C7: variants seen among roughly 807,000 people sequenced by gnomAD.
C7 encodes complement component C7.
C7 carries 83 observed loss-of-function variants against 104.8 expected under a neutral mutation model. That is an observed-to-expected ratio of 0.79 (90% CI 0.66 to 0.95). C7 has a LOEUF of 0.95. Ranked by LOEUF, C7 falls within the 40% of genes least tolerant of loss-of-function variation. C7 has a pLI of 0.00. For missense variants in C7, 1,070 were observed against 1,011.2 expected (o/e 1.06, Z -0.79); for synonymous variants, 415 against 360.6 (o/e 1.15, Z -1.71).
intron 15 of C7, among the ~76,000 whole-genome samples, chr5:40,975,944 G>A (rs1018543683): frequency 6.6e-6 from 1 of 152,082 alleles, no homozygotes; most frequent in Admixed American, 6.6e-5. Context: ...AAGCTATTAC[G>A]AGGTGAAAAA....
At chr5:40,926,066 G>A (rs1433480290) in intron 1 of C7, among the ~76,000 whole-genome samples, 4 of 152,114 alleles carry the variant, frequency 2.6e-5, no homozygotes, top group Non-Finnish European at 4.4e-5. Context: ...CATCTACCAC[G>A]ATCAAATGGG....
chr5:40,970,984 A>G (rs1740686501), intron 14 of C7, among the ~76,000 whole-genome samples: 1 of 152,164 alleles, frequency 6.6e-6, no homozygotes, highest in Admixed American at 6.6e-5. Context: ...CCAGTCTATC[A>G]TTGATGGGCA....
chr5:40,978,334 A>G (rs1740864575), intron 16 of C7, among the ~76,000 whole-genome samples: 1 of 152,176 alleles, frequency 6.6e-6, no homozygotes, highest in Admixed American at 6.6e-5. Flanking sequence ...ATACATTCTC[A>G]TTCTAATATT....
Position 40,925,908 on chromosome 5 carries a change from A to C in C7, c.7-2672A>C, listed in dbSNP as rs1739541392. Among the ~76,000 whole-genome samples the C allele has an allele frequency of 2.0e-5, 3 of 152,236 alleles. No homozygotes were observed. The South Asian group carries it at 6.2e-4, about 31-fold the overall frequency. On this transcript the variant is annotated intron_variant, in intron 1 of 17. Coordinates refer to ENST00000313164, the MANE Select transcript of C7 (RefSeq NM_000587.4). ...GAGGGAATACTTTCAAATTCTTTTTACAAGGCCAGTGTTATCCTGATATCA... is the reference window on the plus strand; with the variant it reads ...GAGGGAATACTTTCAAATTCTTTTTCCAAGGCCAGTGTTATCCTGATATCA...
intron 15 of C7, among the ~76,000 whole-genome samples, chr5:40,974,017 A>G (rs952809814): frequency 1.2e-4 from 18 of 152,338 alleles, no homozygotes; most frequent in African/African-American, 4.3e-4. Context: ...ATGTTTTAAA[A>G]TGTTGGCTGT....
intron 16 of C7, among the ~76,000 whole-genome samples, chr5:40,979,308 G>A (rs373182100): frequency 9.2e-5 from 14 of 152,188 alleles, no homozygotes; most frequent in African/African-American, 2.7e-4. Flanking sequence ...ACTCTTGGCT[G>A]TTGGGCTGGG....
intron 9 of C7, among the ~76,000 whole-genome samples, chr5:40,953,639 C>CAAAAA (rs397961480): frequency 0.069 from 7,134 of 103,694 alleles, 467 homozygotes; most frequent in Non-Finnish European, 0.097. Context: ...GACTCTGTCT[C>CAAAAA]AAAAAAAAAA....
In C7 at chr5:40,958,228, T is replaced by G; in HGVS notation, c.1456T>G (p.Cys486Gly). The G allele has an allele frequency of 6.2e-7, 1 of 1,611,778 alleles. No individual in the cohort carries two copies. Among genetic ancestry groups the G allele is most frequent in the Non-Finnish European group, 8.5e-7 (1 of 1,178,578 alleles). Residue 486 changes from cysteine to glycine, a missense_variant, in exon 11 of 18, where the codon TGT (cysteine) becomes GGT (glycine). Cys to Gly is a radical substitution (Grantham distance 159, BLOSUM62 -3). Transcript: ENST00000313164. Reference protein sequence around the residue: ...HCKPYTFGAACEQGVLVGNQA... With the variant: ...HCKPYTFGAAGEQGVLVGNQA... Reference sequence around the variant, plus strand: ...CAAACCGTACACATTTGGTGCGGCGTGTGAGCAAGGAGTCCTCGTAGGGAA... The same window carrying G: ...CAAACCGTACACATTTGGTGCGGCGGGTGAGCAAGGAGTCCTCGTAGGGAA...
Position 40,981,469 on chromosome 5 carries a change from G to A in C7, c.2428G>A (p.Gly810Ser), listed in dbSNP as rs770559407. ...EGFSICVEVN[G>S]KEQTMSECEA... ...GTTTAGCATTTGTGTGGAAGTGAAC[G>A]GCAAGGAGCAGACGATGTCTGAGTG... Residue 810 changes from glycine to serine, a missense_variant, in exon 18 of 18, where the codon GGC (glycine) becomes AGC (serine). Coordinates refer to ENST00000313164, the MANE Select transcript of C7 (RefSeq NM_000587.4). 1.4e-5 allele frequency: 23 copies of A among 1,613,720 alleles called. No individual in the cohort carries two copies. The highest frequency in any genetic ancestry group is 4.4e-5 in the South Asian group (4 of 90,970).
intron 9 of C7, 132 bp downstream of exon 9, chr5:40,950,146 C>T: frequency 1.6e-6 from 1 of 612,636 alleles, no homozygotes. Context: ...TATTTTGTCA[C>T]CCAAGTATTA....
chr5:40,957,051 T>C (rs1740303065), intron 10 of C7, among the ~76,000 whole-genome samples: 1 of 152,210 alleles, frequency 6.6e-6, no homozygotes, highest in Non-Finnish European at 1.5e-5. Context: ...CAGGTACAGG[T>C]ACATGACTAT....
chr5:40,947,639 T>C lies in C7; in HGVS notation c.776T>C (p.Val259Ala), dbSNP rs373185392. 3 of 1,613,380 alleles carry C rather than the reference T, an allele frequency of 1.9e-6. No homozygotes were observed. Among genetic ancestry groups the C allele is most frequent in the African/African-American group, 2.7e-5 (2 of 74,892 alleles). ...QLLVVENTVEVAQFINNNPEF... is the reference protein window; with the variant it reads ...QLLVVENTVEAAQFINNNPEF... ...CTGGTTGTTGAGAACACTGTTGAAG[T>C]GGCTCAGTTCATTAATAACAATCCA... Residue 259 changes from valine (V) to alanine (A), a missense_variant, in exon 8 of 18, where the codon GTG (valine) becomes GCG (alanine). By Grantham distance (64) the Val-to-Ala change is moderately conservative. Coordinates refer to ENST00000313164, the MANE Select transcript of C7 (RefSeq NM_000587.4).
intron 7 of C7, 68 bp from the exon 8 acceptor site, chr5:40,947,534 A>C: frequency 6.5e-7 from 1 of 1,547,168 alleles, no homozygotes; most frequent in Non-Finnish European, 8.9e-7. Context: ...GGTATTGAAC[A>C]GAGAACTATT....
chr5:40,920,510 T>C (rs548893547), intron 1 of C7, among the ~76,000 whole-genome samples: 24 of 149,454 alleles, frequency 1.6e-4, no homozygotes, highest in African/African-American at 4.7e-4. Context: ...GTAAAAAGAT[T>C]GAATCTGTAA....
rs1579884755 is a variant in C7 at position 40,984,048 on chromosome 5, T to A, written c.*2475T>A. 6.6e-6 allele frequency among the ~76,000 whole-genome samples: 1 copy of A among 152,168 alleles called. No homozygotes were observed. The highest frequency in any genetic ancestry group is 1.9e-4 in the East Asian group (1 of 5,186). On this transcript the variant is annotated 3_prime_UTR_variant, in exon 18 of 18. Transcript: ENST00000313164. Reference sequence around the variant, plus strand: ...CATCCTACAGATCATCGCTTACCACTCATGAGGACGCTACAAGTTACCTGG... The same window carrying A: ...CATCCTACAGATCATCGCTTACCACACATGAGGACGCTACAAGTTACCTGG...
At position 40,923,682 on chromosome 5, in the gene C7, G is replaced by T. The variant is rs561027422; in HGVS notation, c.7-4898G>T. On this transcript the variant is annotated intron_variant, in intron 1 of 17. Coordinates refer to ENST00000313164, the MANE Select transcript of C7 (RefSeq NM_000587.4). ...AATCACTTGAACCCAGGGGGTGGAG[G>T]TTGCAGTGAGCCGAGATTGTGCCAT... 5.3e-5 allele frequency among the ~76,000 whole-genome samples: 8 copies of T among 152,070 alleles called. No homozygotes were observed. The East Asian group carries it at 1.4e-3, about 26-fold the overall frequency.
intron 1 of C7, among the ~76,000 whole-genome samples, chr5:40,910,275 T>A (rs2111599022): frequency 6.6e-6 from 1 of 152,356 alleles, no homozygotes; most frequent in Middle Eastern, 3.4e-3. Flanking sequence ...TATCATAGAC[T>A]AAATCTCTGG....
intron 10 of C7, 117 bp from the exon 11 acceptor site, chr5:40,957,916 A>G (rs1002116381): frequency 3.2e-6 from 2 of 617,026 alleles, no homozygotes; most frequent in Non-Finnish European, 5.4e-6. Flanking sequence ...AAACAATTGT[A>G]ACAAACTTGC....
chr5:40,919,991 G>C (rs1739405878), intron 1 of C7, among the ~76,000 whole-genome samples: 1 of 151,886 alleles, frequency 6.6e-6, no homozygotes, highest in African/African-American at 2.4e-5. Flanking sequence ...ATAAAAATCA[G>C]AGCAGAAATA....
Sources: gnomAD v4.1 joint callset for allele counts (sites outside exome capture counted in the v4.1 genomes callset) on GRCh38, gnomAD v4.1.1 for gene constraint, MANE v1.5 for transcripts, NCBI Gene and HGNC (gene_info 2026-07-23, HGNC 2026-07-21) for gene names.